Variants in LEMD2 observed in about 807,000 individuals in gnomAD.
LEMD2 encodes the protein LEM domain-containing protein 2.
A neutral mutation model predicts 58.8 loss-of-function variants in LEMD2; 34 were observed. The ratio of observed to expected loss-of-function variants is 0.58; its 90% CI spans 0.44 to 0.77. The LOEUF is 0.77. LEMD2 is among the 30% of genes least tolerant of loss of function. The pLI is 0.00. For missense variants in LEMD2, 629 were observed against 717.9 expected (o/e 0.88, Z 1.42); for synonymous variants, 298 against 308.9 (o/e 0.96, Z 0.37).
chr6:33,784,477 G>GGGGGGGGCCCCCCCCCC, intron 2 of LEMD2, 50 bp from the exon 3 acceptor site: 6 of 430,796 alleles, frequency 1.4e-5, no homozygotes, highest in East Asian at 7.6e-5. Flanking sequence ...GGTGGGAGGG[G>GGGGGGGGCCCCCCCCCC]TCCGTCTGTC....
intron 8 of LEMD2, among the ~76,000 whole-genome samples, chr6:33,774,417 G>A (rs1190102081): frequency 1.4e-5 from 2 of 141,572 alleles, no homozygotes; most frequent in East Asian, 2.3e-4. Flanking sequence ...TGATCTGCCC[G>A]CCTTGGTCTC....
At chr6:33,785,939 G>A (rs1053907941) in intron 2 of LEMD2, among the ~76,000 whole-genome samples, 6 of 152,258 alleles carry the variant, frequency 3.9e-5, no homozygotes, top group Non-Finnish European at 5.9e-5. Context: ...GAGTAAGACA[G>A]TCAATGCAGG....
Position 33,789,020 on chromosome 6 carries a change from T to A in LEMD2, c.97A>T (p.Asn33Tyr). 6.4e-7 allele frequency: 1 copy of A among 1,555,780 alleles called. No individual in the cohort carries two copies. Among genetic ancestry groups the A allele is most frequent in the Non-Finnish European group, 8.6e-7 (1 of 1,157,720 alleles). Residue 33 changes from asparagine to tyrosine, a missense_variant, in exon 1 of 9, where the codon AAC becomes TAC. By Grantham distance (143) the Asn-to-Tyr change is moderately radical (BLOSUM62 -2). Transcript: ENST00000293760. ...TCGCCCCGCAGGCGGCGCAGCTTGT[T>A]GCGGTAGACATCCCGGGTGGTGTCG... ...ITDTTRDVYR[N>Y]KLRRLRGEAR...
At chr6:33,780,729 A>G (rs1767547275) in intron 4 of LEMD2, among the ~76,000 whole-genome samples, 1 of 152,192 alleles carries the variant, frequency 6.6e-6, no homozygotes, top group Non-Finnish European at 1.5e-5. Flanking sequence ...GGCAGTCTGA[A>G]TGGTAATCAT....
At chr6:33,788,265 A>G (rs757141472) in intron 1 of LEMD2, 116 bp downstream of exon 1, 26 of 1,063,736 alleles carry the variant, frequency 2.4e-5, no homozygotes, top group Non-Finnish European at 3.3e-5. Context: ...ATGAGAAGAC[A>G]GTCAGAGGCA....
chr6:33,785,125 G>A (rs1351357873), intron 2 of LEMD2, among the ~76,000 whole-genome samples: 3 of 152,026 alleles, frequency 2.0e-5, no homozygotes, highest in East Asian at 1.9e-4. Context: ...TTCAACGACC[G>A]AAAAGGGAAA....
rs1767320537 is a variant in LEMD2 at position 33,772,413 on chromosome 6, C to T, written c.*215G>A. The T allele has an allele frequency of 2.0e-6, 1 of 494,240 alleles. No homozygotes were observed. The highest frequency in any genetic ancestry group is 3.7e-5 in the Admixed American group (1 of 26,730). 30.6% of individuals were successfully genotyped at this position (494,240 alleles called of 1,614,324 possible). A position where few individuals can be genotyped will look rare whatever the true frequency, so the allele number is the denominator to read the frequency against. On this transcript the variant is annotated 3_prime_UTR_variant, in exon 9 of 9. Coordinates refer to ENST00000293760, the MANE Select transcript of LEMD2 (RefSeq NM_181336.4). ...CACAACAGGGCAGAGTCTGGGCTAT[C>T]ACCCTGGCTTCTCCCCCTCCCTTTA... is the stretch of plus-strand genomic sequence containing the variant.
At chr6:33,776,210 G>C (rs951683844) in intron 8 of LEMD2, among the ~76,000 whole-genome samples, 2 of 152,238 alleles carry the variant, frequency 1.3e-5, no homozygotes, top group African/African-American at 2.4e-5. Flanking sequence ...ATGAGTGTAC[G>C]CATGCGTGTG....
chr6:33,772,380 T>C lies in LEMD2; in HGVS notation c.*248A>G, dbSNP rs1490081936. The C allele has an allele frequency of 2.7e-6, 1 of 376,372 alleles. No homozygotes were observed. The highest frequency in any genetic ancestry group is 4.8e-6 in the Non-Finnish European group (1 of 209,978). 23.3% of individuals were successfully genotyped at this position (376,372 alleles called of 1,614,324 possible). A position where few individuals can be genotyped will look rare whatever the true frequency, so the allele number is the denominator to read the frequency against. ...TGAAAACTCAACCCTTCTCCCCGTT[T>C]CTGCCAGCACAACAGGGCAGAGTCT... On this transcript the variant is annotated 3_prime_UTR_variant, in exon 9 of 9. Coordinates refer to ENST00000293760, the MANE Select transcript of LEMD2 (RefSeq NM_181336.4).
chr6:33,776,091 T>C (rs1459182351), intron 8 of LEMD2, among the ~76,000 whole-genome samples: 1 of 152,168 alleles, frequency 6.6e-6, no homozygotes, highest in Non-Finnish European at 1.5e-5. Flanking sequence ...GAAGGTGCCC[T>C]GCAGCTGCAC....
intron 2 of LEMD2, among the ~76,000 whole-genome samples, chr6:33,785,521 G>A (rs1418574463): frequency 1.3e-5 from 2 of 152,184 alleles, no homozygotes; most frequent in African/African-American, 4.8e-5. Context: ...GAGAAGGCCA[G>A]GGAACAAATG....
intron 5 of LEMD2, chr6:33,779,186 T>G (rs915081364): frequency 6.6e-6 from 1 of 152,044 alleles, no homozygotes; most frequent in Admixed American, 6.6e-5. Context: ...CAGTGAGCGC[T>G]GCTGCTGAGG....
Position 33,771,229 on chromosome 6 carries a change from A to T in LEMD2, c.*1399T>A, listed in dbSNP as rs2127375915. On this transcript the variant is annotated 3_prime_UTR_variant, in exon 9 of 9. Transcript: ENST00000293760. ...CAAGAAACATCCGTTTTTAATAAAT[A>T]GTTTATTCATCCAGCAGTTTCAGCC... 6.6e-6 allele frequency: 1 copy of T among 152,310 alleles called. No individual in the cohort carries two copies. Among genetic ancestry groups the T allele is most frequent in the Non-Finnish European group, 1.5e-5 (1 of 68,022 alleles). 9.4% of individuals were successfully genotyped at this position (152,310 alleles called of 1,614,324 possible).
chr6:33,780,145 G>A lies in LEMD2; in HGVS notation c.965C>T (p.Ala322Val). The A allele has an allele frequency of 6.3e-7, 1 of 1,597,258 alleles. No individual in the cohort carries two copies. Among genetic ancestry groups the A allele is most frequent in the East Asian group, 2.3e-5 (1 of 44,360 alleles). Residue 322 changes from alanine (A) to valine (V), a missense_variant, in exon 5 of 9, where the codon GCC becomes GTC. By Grantham distance (64) the Ala-to-Val change is moderately conservative. Around this residue, in one of 2 missense-constraint regions of LEMD2, gnomAD observed 243 missense variants for 336.8 expected, o/e 0.72. Transcript: ENST00000293760. ...VTSSSSAKFE[A>V]ALTWILSSNK... ...ACTGCTCAGTATCCAGGTCAGTGCG[G>A]CTTCAAACTTGGCGGAGGAGCTGCT...
At chr6:33,776,800 G>A (rs1191574073) in intron 8 of LEMD2, 154 bp downstream of exon 8, 2 of 655,118 alleles carry the variant, frequency 3.1e-6, no homozygotes, top group Non-Finnish European at 2.8e-6. Flanking sequence ...GCATGCTGGG[G>A]AGCAGCAGGA....
At chr6:33,775,814 T>C (rs183227272) in intron 8 of LEMD2, among the ~76,000 whole-genome samples, 1 of 152,244 alleles carries the variant, frequency 6.6e-6, no homozygotes, top group East Asian at 1.9e-4. Context: ...TGAACCATGG[T>C]GAGGACCAAG....
At chr6:33,787,339 TCA>T (rs10532974) in intron 1 of LEMD2, among the ~76,000 whole-genome samples, 75,393 of 152,002 alleles carry the variant, frequency 0.5, 19,651 homozygotes, top group East Asian at 0.82. Context: ...GACAAACTAT[TCA>T]CATAGTTGAT....
At chr6:33,788,280 A>G (rs1767729640) in intron 1 of LEMD2, 101 bp downstream of exon 1, 4 of 1,242,890 alleles carry the variant, frequency 3.2e-6, no homozygotes, top group Non-Finnish European at 4.3e-6. Flanking sequence ...GAGGCAGCTG[A>G]CAAGGCCGGA....
chr6:33,787,758 T>C (rs1369623142), intron 1 of LEMD2, among the ~76,000 whole-genome samples: 2 of 152,208 alleles, frequency 1.3e-5, no homozygotes, highest in African/African-American at 4.8e-5. Flanking sequence ...TGAGCATCCT[T>C]GAGTCGTAGT....
Sources: allele counts gnomAD v4.1 joint callset (sites outside exome capture counted in the v4.1 genomes callset), GRCh38; gene constraint gnomAD v4.1.1; regional missense constraint gnomAD v4.1.1; transcripts MANE v1.5; gene names NCBI Gene and HGNC (gene_info 2026-07-23, HGNC 2026-07-21).